Variants in ROBO2 observed in about 807,000 individuals in gnomAD.
The protein encoded by ROBO2 is roundabout homolog 2.
In ROBO2, 53 loss-of-function variants were observed where a neutral mutation model predicts 160.8. The ratio of observed to expected loss-of-function variants is 0.33; its 90% CI spans 0.26 to 0.41. The LOEUF (loss-of-function observed/expected upper bound fraction) is 0.41. ROBO2 is among the 10% of genes least tolerant of loss of function. The probability of loss-of-function intolerance (pLI) is 1.00; values close to 1 mark genes in which losing one functional copy is unlikely to be tolerated. For synonymous variants in ROBO2, 664 were observed against 611.7 expected, an observed-to-expected ratio of 1.09 and a Z score of -1.26; for missense variants, 1,577 against 1,722.4, an observed-to-expected ratio of 0.92 and a Z score of 1.49.
intron 2 of ROBO2, among the ~76,000 whole-genome samples, chr3:76,390,534 T>C (rs2077099812): frequency 6.6e-6 from 1 of 152,186 alleles, no homozygotes; most frequent in African/African-American, 2.4e-5. Context: ...AGACAATGCA[T>C]CTAAGATGAA....
At chr3:76,871,320 C>T (rs1008462644) in intron 2 of ROBO2, among the ~76,000 whole-genome samples, 6 of 151,832 alleles carry the variant, frequency 4.0e-5, no homozygotes, top group Admixed American at 6.6e-5. Context: ...TTTGGGAGGC[C>T]GAGGCAGGCG....
chr3:77,257,789 ATGT>A (rs1243725375), intron 2 of ROBO2, among the ~76,000 whole-genome samples: 1 of 152,222 alleles, frequency 6.6e-6, no homozygotes, highest in Non-Finnish European at 1.5e-5. Flanking sequence ...GTAATTGAAG[ATGT>A]TGTTACCAGT....
intron 2 of ROBO2, among the ~76,000 whole-genome samples, chr3:76,697,504 G>A (rs1361162229): frequency 2.6e-5 from 4 of 152,012 alleles, no homozygotes; most frequent in East Asian, 1.9e-4. Flanking sequence ...AGAATTAGCC[G>A]GGCATGGTGC....
chr3:77,487,586 C>T lies in ROBO2; in HGVS notation c.668-5658C>T, dbSNP rs116624906. On this transcript the variant is annotated intron_variant, in intron 4 of 25. Transcript: ENST00000461745. Reference sequence around the variant, plus strand: ...CTGGAAGGGCATGACAATTCACATTCAATGACTATCAAACCCATCCTTACC... The same window carrying T: ...CTGGAAGGGCATGACAATTCACATTTAATGACTATCAAACCCATCCTTACC... Among the ~76,000 whole-genome samples, 192 of 152,172 alleles carry T rather than the reference C, an allele frequency of 1.3e-3. 1 individual carries two copies. Among genetic ancestry groups the T allele is most frequent in the African/African-American group, 4.3e-3 (180 of 41,508 alleles).
intron 2 of ROBO2, among the ~76,000 whole-genome samples, chr3:76,928,076 ATAAAAT>A (rs2077094844): frequency 6.6e-6 from 1 of 152,220 alleles, no homozygotes. Context: ...AAGGTTACAA[ATAAAAT>A]TAAAGTTAGT....
intron 2 of ROBO2, among the ~76,000 whole-genome samples, chr3:76,398,734 A>T (rs1345081968): frequency 1.3e-5 from 2 of 151,490 alleles, no homozygotes; most frequent in Non-Finnish European, 2.9e-5. Flanking sequence ...TATACTATTA[A>T]GTTTAGTATA....
intron 2 of ROBO2, among the ~76,000 whole-genome samples, chr3:76,268,696 G>GTACA (rs962500874): frequency 9.9e-5 from 15 of 152,086 alleles, no homozygotes; most frequent in African/African-American, 3.6e-4. Flanking sequence ...GAATTTTAAG[G>GTACA]TACACAATTC....
intron 2 of ROBO2, among the ~76,000 whole-genome samples, chr3:77,407,010 G>C (rs901590074): frequency 6.6e-6 from 1 of 152,130 alleles, no homozygotes; most frequent in Admixed American, 6.6e-5. Context: ...TTTATATATA[G>C]ATATAGGGTC....
chr3:77,257,223 G>T (rs1172246054), intron 2 of ROBO2, among the ~76,000 whole-genome samples: 1 of 152,104 alleles, frequency 6.6e-6, no homozygotes, highest in Non-Finnish European at 1.5e-5. Flanking sequence ...AGCAGAATGG[G>T]GCCAAAGCAA....
At chr3:76,143,898 G>A (rs1042801117) in intron 2 of ROBO2, among the ~76,000 whole-genome samples, 3 of 152,000 alleles carry the variant, frequency 2.0e-5, no homozygotes, top group Non-Finnish European at 4.4e-5. Flanking sequence ...CCACTGTAAG[G>A]TGGGAGAACA....
intron 2 of ROBO2, among the ~76,000 whole-genome samples, chr3:76,449,502 T>C (rs2109249436): frequency 6.6e-6 from 1 of 152,234 alleles, no homozygotes; most frequent in South Asian, 2.1e-4. Context: ...AATTTACATA[T>C]TTCATAAGAA....
At chr3:76,073,538 G>A (rs901687143) in intron 2 of ROBO2, among the ~76,000 whole-genome samples, 1 of 151,810 alleles carries the variant, frequency 6.6e-6, no homozygotes, top group Non-Finnish European at 1.5e-5. Context: ...TGATCCACCC[G>A]CCTCAGCCTC....
chr3:76,577,451 A>AT (rs1251848487), intron 2 of ROBO2, among the ~76,000 whole-genome samples: 2 of 152,054 alleles, frequency 1.3e-5, no homozygotes, highest in African/African-American at 4.8e-5. Context: ...ATTCTACTCT[A>AT]TTTTTGTACA....
intron 2 of ROBO2, among the ~76,000 whole-genome samples, chr3:76,735,093 C>G (rs757322078): frequency 1.3e-5 from 2 of 152,124 alleles, no homozygotes; most frequent in African/African-American, 2.4e-5. Context: ...AAGTTTATAT[C>G]CAAAGGAAAA....
At chr3:76,021,226 C>T (rs141672710) in intron 2 of ROBO2, among the ~76,000 whole-genome samples, 1 of 151,762 alleles carries the variant, frequency 6.6e-6, no homozygotes, top group African/African-American at 2.4e-5. Context: ...GGTCATAGAG[C>T]ACTCGGAAAA....
chr3:76,590,466 C>T (rs2086344827), intron 2 of ROBO2, among the ~76,000 whole-genome samples: 1 of 152,084 alleles, frequency 6.6e-6, no homozygotes, highest in Admixed American at 6.5e-5. Flanking sequence ...TGCTGTCAAC[C>T]ATCAATCTAC....
intron 2 of ROBO2, among the ~76,000 whole-genome samples, chr3:76,437,473 A>G (rs2076735335): frequency 6.6e-6 from 1 of 152,192 alleles, no homozygotes; most frequent in Admixed American, 6.5e-5. Flanking sequence ...ACTGTCCCCA[A>G]TCCTGCCAAT....
At chr3:76,168,634 G>T (rs2072922514) in intron 2 of ROBO2, among the ~76,000 whole-genome samples, 1 of 151,962 alleles carries the variant, frequency 6.6e-6, no homozygotes, top group Admixed American at 6.6e-5. Context: ...CTTTATTTTT[G>T]CAGTACCTTG....
intron 2 of ROBO2, among the ~76,000 whole-genome samples, chr3:77,404,806 C>A (rs548759265): frequency 6.6e-6 from 1 of 152,194 alleles, no homozygotes; most frequent in Non-Finnish European, 1.5e-5. Context: ...AAAGTAATTT[C>A]AATCAATGGG....
Sources: gnomAD v4.1 joint callset for allele counts (sites outside exome capture counted in the v4.1 genomes callset) on GRCh38, gnomAD v4.1.1 for gene constraint, MANE v1.5 for transcripts, NCBI Gene and HGNC (gene_info 2026-07-23, HGNC 2026-07-21) for gene names.